Variants in JAM3 observed in about 807,000 individuals in gnomAD.
JAM3 encodes the protein junctional adhesion molecule 3.
A neutral mutation model predicts 39.4 loss-of-function variants in JAM3; 31 were observed. That is an observed-to-expected ratio of 0.79 (90% CI 0.59 to 1.06). The LOEUF is 1.06. JAM3 is among the 50% of genes least tolerant of loss of function. JAM3 has a pLI of 0.00. For synonymous variants in JAM3, 182 were observed against 148.7 expected, an observed-to-expected ratio of 1.22 and a Z score of -1.63; for missense variants, 455 against 391.4, an observed-to-expected ratio of 1.16 and a Z score of -1.37.
Position 134,149,281 on chromosome 11 carries a change from A to G in JAM3, c.*100A>G. The G allele has an allele frequency of 2.8e-6, 4 of 1,410,794 alleles. No homozygotes were observed. The highest frequency in any genetic ancestry group is 4.0e-6 in the Non-Finnish European group (4 of 1,005,122). 87.4% of individuals were successfully genotyped at this position (1,410,794 alleles called of 1,614,324 possible). A position where few individuals can be genotyped will look rare whatever the true frequency, so the allele number is the denominator to read the frequency against. On this transcript the variant is annotated 3_prime_UTR_variant, in exon 9 of 9. Transcript: ENST00000299106. ...AGAGCTGATGCACTCGGACAGAGCT[A>G]GACACTCATTCAGAAGCTTTTCGTT...
At chr11:134,117,944 A>G (rs1200021580) in intron 1 of JAM3, among the ~76,000 whole-genome samples, 1 of 152,158 alleles carries the variant, frequency 6.6e-6, no homozygotes, top group African/African-American at 2.4e-5. Flanking sequence ...CTGCAGTTGG[A>G]ATGCAGGTGT....
chr11:134,072,398 C>A, intron 1 of JAM3, among the ~76,000 whole-genome samples: 1 of 151,352 alleles, frequency 6.6e-6, no homozygotes, highest in Non-Finnish European at 1.5e-5. Context: ...ACTCCGCCTC[C>A]CAGGTTAAAG....
At chr11:134,134,323 G>T (rs188802273) in intron 1 of JAM3, among the ~76,000 whole-genome samples, 41 of 131,418 alleles carry the variant, frequency 3.1e-4, no homozygotes, top group African/African-American at 1.2e-3. Flanking sequence ...TTATGACTGA[G>T]AATTTCCCCA....
chr11:134,070,102 C>T, intron 1 of JAM3: 1 of 455,404 alleles, frequency 2.2e-6, no homozygotes, highest in South Asian at 1.6e-5. Flanking sequence ...CTACTAGGCA[C>T]TTTGGAGCCA....
At position 134,151,699 on chromosome 11, in the gene JAM3, C is replaced by T. The variant is rs1279458918; in HGVS notation, c.*2518C>T. The T allele has an allele frequency of 6.6e-6, 1 of 152,218 alleles. No homozygotes were observed. Among genetic ancestry groups the T allele is most frequent in the Admixed American group, 6.5e-5 (1 of 15,292 alleles). The allele number at this position is 152,218 out of a possible 1,614,324, so 9.4% of individuals were successfully genotyped here. A position where few individuals can be genotyped will look rare whatever the true frequency, so the allele number is the denominator to read the frequency against. On this transcript the variant is annotated 3_prime_UTR_variant, in exon 9 of 9. Transcript: ENST00000299106. Reference sequence around the variant, plus strand: ...CAGATGCTACAGACTTGTACTAACACACCGTAATTTGGCATTTGTTTAACC... The same window carrying T: ...CAGATGCTACAGACTTGTACTAACATACCGTAATTTGGCATTTGTTTAACC...
At chr11:134,107,932 A>G (rs1422831981) in intron 1 of JAM3, among the ~76,000 whole-genome samples, 1 of 152,100 alleles carries the variant, frequency 6.6e-6, no homozygotes, top group Non-Finnish European at 1.5e-5. Context: ...AGTAAGCAGA[A>G]TAAAGAAGAT....
chr11:134,094,998 G>A (rs1941952027), intron 1 of JAM3, among the ~76,000 whole-genome samples: 1 of 152,204 alleles, frequency 6.6e-6, no homozygotes, highest in South Asian at 2.1e-4. Flanking sequence ...GATATGCTTG[G>A]TAGTGAATTC....
At chr11:134,147,459 C>CA (rs557379286) in intron 6 of JAM3, among the ~76,000 whole-genome samples, 2,318 of 70,632 alleles carry the variant, frequency 0.033, 115 homozygotes, top group East Asian at 0.15. Context: ...GACTCTGTCT[C>CA]AAAAAAAAAA....
chr11:134,072,664 C>T (rs1036987537), intron 1 of JAM3, among the ~76,000 whole-genome samples: 1 of 152,118 alleles, frequency 6.6e-6, no homozygotes, highest in African/African-American at 2.4e-5. Context: ...CTCACGCCAG[C>T]ACTTTGGGAA....
chr11:134,105,486 T>C (rs1942166702), intron 1 of JAM3, among the ~76,000 whole-genome samples: 1 of 152,196 alleles, frequency 6.6e-6, no homozygotes, highest in African/African-American at 2.4e-5. Flanking sequence ...AACATAGTGT[T>C]GGAAGTTCTG....
At chr11:134,125,030 G>A (rs1462768657) in intron 1 of JAM3, among the ~76,000 whole-genome samples, 2 of 152,208 alleles carry the variant, frequency 1.3e-5, no homozygotes, top group African/African-American at 4.8e-5. Flanking sequence ...GCCCGGTGGC[G>A]GCGGCGCGTC....
intron 1 of JAM3, among the ~76,000 whole-genome samples, chr11:134,121,266 G>C (rs1942527423): frequency 6.6e-6 from 1 of 152,218 alleles, no homozygotes; most frequent in Non-Finnish European, 1.5e-5. Flanking sequence ...TTTCCGGAAG[G>C]TCTCTCAAAA....
At chr11:134,088,716 G>C (rs471007) in intron 1 of JAM3, among the ~76,000 whole-genome samples, 1 of 150,762 alleles carries the variant, frequency 6.6e-6, no homozygotes, top group African/African-American at 2.4e-5. Context: ...CACAAAGACA[G>C]TAAAATGTCA....
chr11:134,090,859 A>G (rs1378477499), intron 1 of JAM3, among the ~76,000 whole-genome samples: 1 of 152,238 alleles, frequency 6.6e-6, no homozygotes, highest in Admixed American at 6.5e-5. Flanking sequence ...GATTCTGAAC[A>G]TGTATACATA....
At position 134,149,829 on chromosome 11, in the gene JAM3, G is replaced by C. The variant is rs564891535; in HGVS notation, c.*648G>C. The C allele has an allele frequency of 6.1e-5, 21 of 344,042 alleles. No individual in the cohort carries two copies. The highest frequency in any genetic ancestry group is 4.9e-4 in the South Asian group (21 of 42,712). The allele number at this position is 344,042 out of a possible 1,614,324, so 21.3% of individuals were successfully genotyped here. On this transcript the variant is annotated 3_prime_UTR_variant, in exon 9 of 9. Coordinates refer to ENST00000299106, the MANE Select transcript of JAM3 (RefSeq NM_032801.5). ...CTGAGGAACCCTGCTTGTCCAACAG[G>C]GTGTCAGGATTTAAGGAAAACCTTC... is the stretch of plus-strand genomic sequence containing the variant.
At chr11:134,147,010 CTG>C (rs1943085654) in intron 6 of JAM3, among the ~76,000 whole-genome samples, 1 of 151,978 alleles carries the variant, frequency 6.6e-6, no homozygotes, top group African/African-American at 2.4e-5. Flanking sequence ...CTAGAAATGT[CTG>C]TGTGTGAGAC....
intron 1 of JAM3, among the ~76,000 whole-genome samples, chr11:134,111,357 T>C (rs1719093081): frequency 6.6e-6 from 1 of 152,038 alleles, no homozygotes; most frequent in Admixed American, 6.6e-5. Flanking sequence ...TTAGCCAGCA[T>C]GGTCTCAATC....
At position 134,081,652 on chromosome 11, in the gene JAM3, G is replaced by A. The variant is rs1291933797; in HGVS notation, c.76+12493G>A. 2.0e-5 allele frequency among the ~76,000 whole-genome samples: 3 copies of A among 152,256 alleles called. No homozygotes were observed. The East Asian group carries it at 5.8e-4, about 29-fold the overall frequency. ...CTGGATGTCCAGGCAGAAGTTTGCT[G>A]CAGGGGTGGGGCTCTCATAGAGATC... On this transcript the variant is annotated intron_variant, in intron 1 of 8. Transcript: ENST00000299106.
intron 1 of JAM3, among the ~76,000 whole-genome samples, chr11:134,099,901 G>A (rs1034913773): frequency 6.6e-6 from 1 of 152,086 alleles, no homozygotes; most frequent in African/African-American, 2.4e-5. Context: ...CACCGCGCCC[G>A]GCTTGCTTCC....
Sources: gnomAD v4.1 joint callset for allele counts (sites outside exome capture counted in the v4.1 genomes callset) on GRCh38, gnomAD v4.1.1 for gene constraint, MANE v1.5 for transcripts, NCBI Gene and HGNC (gene_info 2026-07-23, HGNC 2026-07-21) for gene names.